ZC3H6: variants seen among roughly 807,000 people sequenced by gnomAD.
ZC3H6 encodes zinc finger CCCH-type containing 6, also known as zinc finger CCCH domain-containing protein 6.
ZC3H6 carries 40 observed loss-of-function variants against 107.7 expected under a neutral mutation model. The ratio of observed to expected loss-of-function variants is 0.37; its 90% CI spans 0.29 to 0.48. The LOEUF is 0.48. ZC3H6 is among the 20% of genes least tolerant of loss of function. ZC3H6 has a pLI of 0.98. For missense variants in ZC3H6, 1,267 were observed against 1,410.4 expected (o/e 0.90, Z 1.63); for synonymous variants, 493 against 487.9 (o/e 1.01, Z -0.14).
At chr2:112,299,005 G>A (rs574221744) in intron 1 of ZC3H6, among the ~76,000 whole-genome samples, 1 of 152,088 alleles carries the variant, frequency 6.6e-6, no homozygotes, top group Admixed American at 6.5e-5. Flanking sequence ...CGGGTGTGGT[G>A]GGTGGCTCAC....
intron 3 of ZC3H6, among the ~76,000 whole-genome samples, chr2:112,306,466 C>T (rs907029960): frequency 6.6e-6 from 1 of 152,198 alleles, no homozygotes; most frequent in African/African-American, 2.4e-5. Flanking sequence ...AGCCACCGTG[C>T]ACGGCCTGAA....
chr2:112,284,352 T>A (rs1686572349), intron 1 of ZC3H6, among the ~76,000 whole-genome samples: 1 of 151,564 alleles, frequency 6.6e-6, no homozygotes, highest in Non-Finnish European at 1.5e-5. Flanking sequence ...GCACAAAATA[T>A]CCCTTTTTTG....
At chr2:112,312,154 T>C in intron 5 of ZC3H6, 1 of 461,452 alleles carries the variant, frequency 2.2e-6, no homozygotes, top group Non-Finnish European at 3.7e-6. Context: ...ATTGTTATGT[T>C]TGAAAGAACC....
Position 112,333,239 on chromosome 2 carries a change from T to C in ZC3H6, c.*751T>C, listed in dbSNP as rs1174131577. 1 of 152,610 alleles carries C rather than the reference T, an allele frequency of 6.6e-6. No individual in the cohort carries two copies. Among genetic ancestry groups the C allele is most frequent in the Non-Finnish European group, 1.5e-5 (1 of 68,000 alleles). 9.5% of individuals were successfully genotyped at this position (152,610 alleles called of 1,614,324 possible). On this transcript the variant is annotated 3_prime_UTR_variant, in exon 12 of 12. Coordinates refer to ENST00000409871, the MANE Select transcript of ZC3H6 (RefSeq NM_198581.3). Reference sequence around the variant, plus strand: ...CTGCTGTGTTACATTGTGATGTTTATGTATGTCAATGTTTTTGTCTTTAAC... The same window carrying C: ...CTGCTGTGTTACATTGTGATGTTTACGTATGTCAATGTTTTTGTCTTTAAC...
In ZC3H6 at chr2:112,275,618, T is replaced by G. The variant is rs1558942422; in HGVS notation, c.-377T>G. On this transcript the variant is annotated 5_prime_UTR_variant, in exon 1 of 12. Transcript: ENST00000409871. The stretch of plus-strand genomic sequence containing the variant: ...CGGCGCCATTTTCTCGAGCCGCCTG[T>G]TTCGGGTGCCGCCATGTTGGTGAGG... 7 of 401,118 alleles carry G rather than the reference T, an allele frequency of 1.7e-5. No individual in the cohort carries two copies. 24.8% of individuals were successfully genotyped at this position (401,118 alleles called of 1,614,324 possible).
At chr2:112,300,131 G>A (rs911806663) in intron 2 of ZC3H6, 102 bp downstream of exon 2, 9 of 755,858 alleles carry the variant, frequency 1.2e-5, no homozygotes, top group Non-Finnish European at 1.5e-5. Flanking sequence ...AAAACATGTG[G>A]ATTAGATATT....
chr2:112,304,760 T>A (rs1676443992), intron 3 of ZC3H6, among the ~76,000 whole-genome samples: 1 of 152,204 alleles, frequency 6.6e-6, no homozygotes, highest in Admixed American at 6.5e-5. Flanking sequence ...TGAGTTCTCG[T>A]TTTTGCCAGT....
Position 112,282,717 on chromosome 2 carries a change from C to G in ZC3H6, c.32+6691C>G, listed in dbSNP as rs114207419. Among the ~76,000 whole-genome samples the G allele has an allele frequency of 2.1e-3, 314 of 152,286 alleles. 1 individual carries two copies. Among genetic ancestry groups the G allele is most frequent in the Non-Finnish European group, 1.8e-3 (120 of 68,028 alleles). On this transcript the variant is annotated intron_variant, in intron 1 of 11. Transcript: ENST00000409871. ...ATTTACATCAAGAAATATATTCTTTCAATGTAGAATGCTGAATGGAAAACC... is the reference window on the plus strand; with the variant it reads ...ATTTACATCAAGAAATATATTCTTTGAATGTAGAATGCTGAATGGAAAACC...
chr2:112,338,819 C>T lies in ZC3H6; in HGVS notation c.*6331C>T, dbSNP rs935139159. On this transcript the variant is annotated 3_prime_UTR_variant, in exon 12 of 12. Coordinates refer to ENST00000409871, the MANE Select transcript of ZC3H6 (RefSeq NM_198581.3). ...ATTACCACTAATATCTTGGGGTTGT[C>T]AATGATAGACTATATATATATGTAT... 4.4e-5 allele frequency: 6 copies of T among 137,196 alleles called. No individual in the cohort carries two copies. The highest frequency in any genetic ancestry group is 9.4e-5 in the Non-Finnish European group (6 of 63,604). The allele number at this position is 137,196 out of a possible 1,614,324, so 8.5% of individuals were successfully genotyped here.
chr2:112,298,151 T>G (rs1453085883), intron 1 of ZC3H6, among the ~76,000 whole-genome samples: 1 of 84,292 alleles, frequency 1.2e-5, no homozygotes, highest in Non-Finnish European at 2.0e-5. Flanking sequence ...ATATATTGCT[T>G]TTTAAAAAAT....
chr2:112,279,633 A>G (rs575910963), intron 1 of ZC3H6, among the ~76,000 whole-genome samples: 2 of 152,004 alleles, frequency 1.3e-5, no homozygotes, highest in East Asian at 3.9e-4. Context: ...CAAGTGGTTT[A>G]TGGCCCCCCA....
At chr2:112,299,417 A>C (rs967231742) in intron 1 of ZC3H6, among the ~76,000 whole-genome samples, 1 of 152,176 alleles carries the variant, frequency 6.6e-6, no homozygotes, top group Non-Finnish European at 1.5e-5. Context: ...ATAGCTGTCT[A>C]TGAGCCACTA....
intron 1 of ZC3H6, among the ~76,000 whole-genome samples, chr2:112,296,532 C>T (rs1304210834): frequency 2.6e-5 from 4 of 152,002 alleles, no homozygotes; most frequent in African/African-American, 4.8e-5. Context: ...CTCATTTTCT[C>T]GGATTGTAAG....
intron 5 of ZC3H6, 145 bp downstream of exon 5, chr2:112,312,082 C>CA: frequency 1.3e-6 from 1 of 762,318 alleles, no homozygotes; most frequent in Non-Finnish European, 1.9e-6. Context: ...CAATAACCTC[C>CA]AAAAAATAGT....
In ZC3H6 at chr2:112,333,986, A is replaced by G. The variant is rs1041131740; in HGVS notation, c.*1498A>G. The G allele has an allele frequency of 3.9e-5, 6 of 152,132 alleles. No homozygotes were observed. Among genetic ancestry groups the G allele is most frequent in the Admixed American group, 3.3e-4 (5 of 15,272 alleles). The allele number at this position is 152,132 out of a possible 1,614,324, so 9.4% of individuals were successfully genotyped here. A position where few individuals can be genotyped will look rare whatever the true frequency, so the allele number is the denominator to read the frequency against. On this transcript the variant is annotated 3_prime_UTR_variant, in exon 12 of 12. Coordinates refer to ENST00000409871, the MANE Select transcript of ZC3H6 (RefSeq NM_198581.3). ...ATTCTTTTTGCTGCAGTTCTGTGCT[A>G]AAATGGGGTTGTGGTTAAGTGAACG...
At position 112,338,855 on chromosome 2, in the gene ZC3H6, GTATATATATATATATA is replaced by G. The variant is rs1157174486; in HGVS notation, c.*6410_*6425del. ...TATATATATATGTATGTATATGTGT[GTATATATATATATATA>G]TATATATATATATATATATATATAT... On this transcript the variant is annotated 3_prime_UTR_variant, in exon 12 of 12. Transcript: ENST00000409871. The G allele has an allele frequency of 0.015, 580 of 38,272 alleles. 11 individuals carry two copies. The highest frequency in any genetic ancestry group is 0.04 in the Middle Eastern group (2 of 50). 2.4% of individuals were successfully genotyped at this position (38,272 alleles called of 1,614,324 possible). A position where few individuals can be genotyped will look rare whatever the true frequency, so the allele number is the denominator to read the frequency against.
At chr2:112,328,381 G>A (rs1334114101) in intron 11 of ZC3H6, among the ~76,000 whole-genome samples, 1 of 152,074 alleles carries the variant, frequency 6.6e-6, no homozygotes, top group Non-Finnish European at 1.5e-5. Flanking sequence ...AACACTATTG[G>A]TATTTTGATT....
In ZC3H6 at chr2:112,293,958, A is replaced by G. The variant is rs564822248; in HGVS notation, c.33-5891A>G. Among the ~76,000 whole-genome samples, 11 of 152,296 alleles carry G rather than the reference A, an allele frequency of 7.2e-5. No individual in the cohort carries two copies. In the East Asian group the frequency reaches 2.1e-3, roughly 29 times the overall value. On this transcript the variant is annotated intron_variant, in intron 1 of 11. Coordinates refer to ENST00000409871, the MANE Select transcript of ZC3H6 (RefSeq NM_198581.3). ...GGCTGAGGAACAGTTTCCATCCTGTAGCTAAGTAGTTTTTTAGCCTACAGC... is the reference window on the plus strand; with the variant it reads ...GGCTGAGGAACAGTTTCCATCCTGTGGCTAAGTAGTTTTTTAGCCTACAGC...
chr2:112,316,966 T>C (rs961640740), intron 6 of ZC3H6, among the ~76,000 whole-genome samples: 4 of 152,280 alleles, frequency 2.6e-5, no homozygotes, highest in Middle Eastern at 3.4e-3. Flanking sequence ...AAATGGTGAG[T>C]GCTGGTTGCC....
Sources: gnomAD v4.1 joint callset for allele counts (sites outside exome capture counted in the v4.1 genomes callset) on GRCh38, gnomAD v4.1.1 for gene constraint, MANE v1.5 for transcripts, NCBI Gene and HGNC (gene_info 2026-07-23, HGNC 2026-07-21) for gene names.